Variants in METTL15 observed in about 807,000 individuals in gnomAD.
METTL15 encodes the protein 12S rRNA N(4)-cytidine methyltransferase METTL15.
METTL15 carries 34 observed loss-of-function variants against 38.3 expected under a neutral mutation model. The ratio of observed to expected loss-of-function variants is 0.89; its 90% CI spans 0.68 to 1.18. METTL15 has a LOEUF of 1.18. Among genes scored for constraint, METTL15 ranks in the 50% most tolerant of loss-of-function variants. The pLI is 0.00. For missense variants in METTL15, 438 were observed against 498.4 expected, an observed-to-expected ratio of 0.88 and a Z score of 1.15; for synonymous variants, 162 against 170.9, an observed-to-expected ratio of 0.95 and a Z score of 0.41.
In METTL15 at chr11:28,117,204, T is replaced by C. The variant is rs185950000; in HGVS notation, c.270+3600T>C. 4.1e-4 allele frequency among the ~76,000 whole-genome samples: 62 copies of C among 150,646 alleles called. 1 individual carries two copies. The East Asian group carries it at 0.012, about 29-fold the overall frequency. On this transcript the variant is annotated intron_variant, in intron 3 of 6. Coordinates refer to ENST00000407364, the MANE Select transcript of METTL15 (RefSeq NM_001113528.2). ...TATGTGATATTTGTTAGTGTGTGTA[T>C]ATATACATACATATATACACCTATA...
chr11:28,122,167 T>A (rs967107098), intron 3 of METTL15: 2 of 1,240,622 alleles, frequency 1.6e-6, no homozygotes, highest in Admixed American at 5.3e-5. Flanking sequence ...AGTGTGGGAA[T>A]ATGAATCCTA....
chr11:28,183,989 G>GGT (rs1391628998), intron 3 of METTL15, among the ~76,000 whole-genome samples: 1 of 151,740 alleles, frequency 6.6e-6, no homozygotes, highest in East Asian at 1.9e-4. Context: ...CTCTTGGGAG[G>GGT]GTGTGTGTGT....
At chr11:28,122,998 T>C (rs2133611036) in intron 3 of METTL15, among the ~76,000 whole-genome samples, 1 of 152,260 alleles carries the variant, frequency 6.6e-6, no homozygotes, top group Non-Finnish European at 1.5e-5. Flanking sequence ...TTGATAAAAA[T>C]GTTACACTCT....
intron 6 of METTL15, among the ~76,000 whole-genome samples, chr11:28,305,150 A>G (rs1857038944): frequency 6.6e-6 from 1 of 152,198 alleles, no homozygotes; most frequent in Non-Finnish European, 1.5e-5. Context: ...TTATTTTAAT[A>G]AGTAATCCTT....
intron 6 of METTL15, among the ~76,000 whole-genome samples, chr11:28,316,167 G>A (rs1175956734): frequency 3.9e-5 from 6 of 152,200 alleles, no homozygotes; most frequent in Non-Finnish European, 8.8e-5. Context: ...CTCAGCAGTA[G>A]CCTGTGAAAG....
intron 3 of METTL15, among the ~76,000 whole-genome samples, chr11:28,160,606 T>G (rs769998518): frequency 3.9e-5 from 6 of 152,124 alleles, no homozygotes; most frequent in African/African-American, 7.2e-5. Context: ...TGATTACTCT[T>G]TAAAAACATT....
chr11:28,462,786 G>A (rs1851227107), intron 6 of METTL15, among the ~76,000 whole-genome samples: 1 of 152,062 alleles, frequency 6.6e-6, no homozygotes, highest in Non-Finnish European at 1.5e-5. Context: ...GGGAGAAAGG[G>A]TTCCCAAATC....
chr11:28,472,763 C>T lies in METTL15; in HGVS notation c.*424+48399C>T, dbSNP rs531287587. Among the ~76,000 whole-genome samples the T allele has an allele frequency of 3.9e-5, 6 of 152,270 alleles. No individual in the cohort carries two copies. In the East Asian group the frequency reaches 7.7e-4, roughly 20 times the overall value. ...TAAATAGGAGGGAAAACAAAAATCACAGCAACTGCCAATAAAATGAAATAA... is the reference window on the plus strand; with the variant it reads ...TAAATAGGAGGGAAAACAAAAATCATAGCAACTGCCAATAAAATGAAATAA... On this transcript the variant is annotated intron_variant and NMD_transcript_variant, in intron 6 of 7. Coordinates refer to the METTL15 transcript ENST00000532947.
intron 6 of METTL15, among the ~76,000 whole-genome samples, chr11:28,465,505 C>T (rs995239765): frequency 1.3e-5 from 2 of 152,178 alleles, no homozygotes; most frequent in African/African-American, 2.4e-5. Flanking sequence ...ATCTCCACTT[C>T]GATAACTTAG....
At chr11:28,239,258 A>G (rs1300567149) in intron 4 of METTL15, among the ~76,000 whole-genome samples, 1 of 152,204 alleles carries the variant, frequency 6.6e-6, no homozygotes, top group Admixed American at 6.5e-5. Flanking sequence ...TCCTTAAAAC[A>G]TGCTTTGCCC....
At chr11:28,194,635 G>C (rs921171597) in intron 3 of METTL15, among the ~76,000 whole-genome samples, 1 of 151,442 alleles carries the variant, frequency 6.6e-6, no homozygotes, top group Non-Finnish European at 1.5e-5. Context: ...TGTTGAAAAA[G>C]AAAAAAATAA....
intron 4 of METTL15, among the ~76,000 whole-genome samples, chr11:28,269,394 T>C (rs1855556066): frequency 6.6e-6 from 1 of 152,058 alleles, no homozygotes; most frequent in South Asian, 2.1e-4. Context: ...GTAATATATT[T>C]AAATATAGGT....
intron 6 of METTL15, among the ~76,000 whole-genome samples, chr11:28,447,712 T>C (rs1034884381): frequency 1.3e-5 from 2 of 152,180 alleles, no homozygotes; most frequent in African/African-American, 4.8e-5. Flanking sequence ...TTCAAAACTT[T>C]AGAGAATGGC....
chr11:28,503,548 T>A (rs1851601634), intron 6 of METTL15, among the ~76,000 whole-genome samples: 1 of 152,260 alleles, frequency 6.6e-6, no homozygotes, highest in South Asian at 2.1e-4. Context: ...ATCCCAGCAC[T>A]TTGGGAGGCC....
intron 3 of METTL15, among the ~76,000 whole-genome samples, chr11:28,344,646 T>G (rs1849981890): frequency 6.6e-6 from 1 of 152,194 alleles, no homozygotes; most frequent in Non-Finnish European, 1.5e-5. Flanking sequence ...CTCCATACAC[T>G]GTCTAAGAGA....
intron 5 of METTL15, 79 bp downstream of exon 5, chr11:28,290,476 C>T (rs905622272): frequency 7.3e-7 from 1 of 1,376,830 alleles, no homozygotes; most frequent in Non-Finnish European, 1.0e-6. Context: ...TTTTTTAAGA[C>T]TACAGAATTT....
At chr11:28,426,611 T>C (rs1292265739) in intron 6 of METTL15, among the ~76,000 whole-genome samples, 2 of 148,772 alleles carry the variant, frequency 1.3e-5, no homozygotes, top group East Asian at 4.0e-4. Context: ...TTTTTTGACT[T>C]TTTAGTAATA....
intron 5 of METTL15, among the ~76,000 whole-genome samples, chr11:28,365,944 G>A (rs556887821): frequency 3.0e-4 from 46 of 152,140 alleles, no homozygotes; most frequent in African/African-American, 1.1e-3. Flanking sequence ...CCAGCTACTC[G>A]GAGGCTGAGG....
chr11:28,354,415 C>G (rs1279066214), intron 4 of METTL15, among the ~76,000 whole-genome samples: 3 of 152,058 alleles, frequency 2.0e-5, no homozygotes, highest in South Asian at 4.2e-4. Context: ...CTATAGAATT[C>G]TTGGGTCATG....
Sources: allele counts gnomAD v4.1 joint callset (sites outside exome capture counted in the v4.1 genomes callset), GRCh38; gene constraint gnomAD v4.1.1; transcripts MANE v1.5; gene names NCBI Gene and HGNC (gene_info 2026-07-23, HGNC 2026-07-21).